The following PTPRR variants were observed in gnomAD, a reference collection of about 807,000 sequenced individuals.
The protein encoded by PTPRR is receptor-type tyrosine-protein phosphatase R.
A neutral mutation model predicts 77.2 loss-of-function variants in PTPRR; 38 were observed. The observed-to-expected ratio is 0.49, with a 90% CI of 0.38 to 0.65. The LOEUF is 0.65. PTPRR is among the 30% of genes least tolerant of loss of function. The probability of loss-of-function intolerance (pLI) is 0.00; values close to 1 mark genes in which losing one functional copy is unlikely to be tolerated. For synonymous variants in PTPRR, 299 were observed against 283.1 expected (o/e 1.06, Z -0.57); for missense variants, 744 against 799.2 (o/e 0.93, Z 0.83).
At position 70,754,195 on chromosome 12, in the gene PTPRR, A is replaced by C; in HGVS notation, c.734T>G (p.Leu245Trp). The C allele has an allele frequency of 6.2e-7, 1 of 1,612,694 alleles. No homozygotes were observed. The highest frequency in any genetic ancestry group is 8.5e-7 in the Non-Finnish European group (1 of 1,179,520). Residue 245 changes from leucine (L) to tryptophan (W), a missense_variant, in exon 5 of 14, where the codon TTG (leucine) becomes TGG (tryptophan). Transcript: ENST00000283228. ...LSIFVIIVTC[L>W]MILYRLKERF... ...TATACAAAGAAGCAAACTTACCATC[A>C]AACACGTTACTATAATAACAAAGAT...
chr12:70,697,321 T>C (rs186907281), intron 8 of PTPRR, among the ~76,000 whole-genome samples: 1 of 152,322 alleles, frequency 6.6e-6, no homozygotes, highest in African/African-American at 2.4e-5. Flanking sequence ...TGGCTAGTGA[T>C]GTTAAACATC....
chr12:70,708,569 C>CT lies in PTPRR; in HGVS notation c.1008-7247dup, dbSNP rs1043288956. On this transcript the variant is annotated intron_variant, in intron 6 of 13. Transcript: ENST00000283228. ...AACCAAGGATGATTAATTTTTACTC[C>CT]TTTTTTTTTTGTCATTTGGTATTGT... Among the ~76,000 whole-genome samples the CT allele has an allele frequency of 2.2e-3, 319 of 147,572 alleles. 1 individual carries two copies. The highest frequency in any genetic ancestry group is 3.7e-3 in the Admixed American group (54 of 14,722).
chr12:70,644,408 G>C (rs2136641784), intron 13 of PTPRR, among the ~76,000 whole-genome samples: 1 of 152,276 alleles, frequency 6.6e-6, no homozygotes, highest in African/African-American at 2.4e-5. Flanking sequence ...TTCATTACCA[G>C]GGGGGACCAG....
chr12:70,898,887 A>T (rs759419276), intron 1 of PTPRR, among the ~76,000 whole-genome samples: 1 of 151,500 alleles, frequency 6.6e-6, no homozygotes, highest in African/African-American at 2.4e-5. Flanking sequence ...TCAGAAATGA[A>T]AGGAGGGATA....
intron 13 of PTPRR, among the ~76,000 whole-genome samples, chr12:70,641,652 A>C (rs1886006694): frequency 6.6e-6 from 1 of 152,238 alleles, no homozygotes; most frequent in Non-Finnish European, 1.5e-5. Context: ...TTTGGAAAAT[A>C]AAAATGAAAA....
At chr12:70,714,043 T>G (rs1271694818) in intron 6 of PTPRR, among the ~76,000 whole-genome samples, 1 of 152,050 alleles carries the variant, frequency 6.6e-6, no homozygotes, top group Non-Finnish European at 1.5e-5. Context: ...AGACACAGCA[T>G]AGATTAAAAG....
intron 6 of PTPRR, among the ~76,000 whole-genome samples, chr12:70,737,038 C>T (rs1421649463): frequency 6.6e-6 from 1 of 152,172 alleles, no homozygotes; most frequent in African/African-American, 2.4e-5. Context: ...TGCCCAGCTG[C>T]CACTTCGCTG....
intron 8 of PTPRR, among the ~76,000 whole-genome samples, chr12:70,691,185 C>T (rs1888043206): frequency 1.3e-5 from 2 of 152,170 alleles, no homozygotes; most frequent in African/African-American, 4.8e-5. Context: ...CTAACCCTAG[C>T]ACTGTGCAGA....
chr12:70,906,546 AC>A (rs905931106), intron 1 of PTPRR, among the ~76,000 whole-genome samples: 1 of 152,012 alleles, frequency 6.6e-6, no homozygotes, highest in Non-Finnish European at 1.5e-5. Context: ...ATAACACTAA[AC>A]CCCACTGATA....
intron 13 of PTPRR, among the ~76,000 whole-genome samples, chr12:70,646,694 C>T (rs117320257): frequency 2.0e-5 from 3 of 152,176 alleles, no homozygotes; most frequent in Non-Finnish European, 2.9e-5. Context: ...ATAAGCAAAT[C>T]AAAATGTTGA....
At chr12:70,892,607 TTTC>T in intron 2 of PTPRR, 69 bp downstream of exon 2, 1 of 1,534,776 alleles carries the variant, frequency 6.5e-7, no homozygotes, top group African/African-American at 1.4e-5. Context: ...AATCAGTGTT[TTTC>T]TTTTTTCAAG....
chr12:70,897,824 C>T (rs1893458364), intron 1 of PTPRR, among the ~76,000 whole-genome samples: 1 of 151,802 alleles, frequency 6.6e-6, no homozygotes, highest in Non-Finnish European at 1.5e-5. Flanking sequence ...ACTATGCAGC[C>T]ATAAAAAAGG....
chr12:70,812,452 A>T (rs909193047), intron 2 of PTPRR, among the ~76,000 whole-genome samples: 8 of 152,220 alleles, frequency 5.3e-5, no homozygotes, highest in Non-Finnish European at 2.9e-5. Context: ...GGAGGGAGAG[A>T]GAAAAATCCA....
chr12:70,915,476 C>A (rs1452750117), intron 1 of PTPRR, among the ~76,000 whole-genome samples: 2 of 152,140 alleles, frequency 1.3e-5, no homozygotes, highest in African/African-American at 2.4e-5. Context: ...ACCAAAGAAG[C>A]AAATCAGTTT....
At chr12:70,782,092 A>T (rs908863584) in intron 2 of PTPRR, among the ~76,000 whole-genome samples, 3 of 152,170 alleles carry the variant, frequency 2.0e-5, no homozygotes, top group African/African-American at 4.8e-5. Flanking sequence ...TTCTTGTTTA[A>T]AAAGGGTAAG....
Position 70,764,712 on chromosome 12 carries a change from C to T in PTPRR, c.424G>A (p.Ala142Thr). ...TGCTGGGGTAAGAGTCCTAAAGCTG[C>T]AGCCACTCCTTGGCGGAAGATCCGA... is the stretch of plus-strand genomic sequence containing the variant. ...LLRIFRQGVA[A>T]ALGLLPQQVH... The change falls in exon 3 of 14, where the codon GCA becomes ACA. Residue 142 changes from alanine (A) to threonine (T), a missense_variant. Physicochemically the swap from Ala to Thr is moderately conservative, Grantham distance 58. This residue lies in a region of PTPRR where 570 missense variants were observed against 573.2 expected (regional missense o/e 0.99). Transcript: ENST00000283228. The T allele has an allele frequency of 1.2e-6, 2 of 1,614,132 alleles. No individual in the cohort carries two copies. Among genetic ancestry groups the T allele is most frequent in the East Asian group, 2.2e-5 (1 of 44,872 alleles).
At chr12:70,639,769 T>A (rs1030030084) in intron 13 of PTPRR, 1 of 152,822 alleles carries the variant, frequency 6.5e-6, no homozygotes, top group African/African-American at 2.4e-5. Context: ...TGCCTCATGA[T>A]TCATCTCTTG....
Position 70,698,246 on chromosome 12 carries a change from A to G in PTPRR, c.1279+19T>C. 7 of 1,606,416 alleles carry G rather than the reference A, an allele frequency of 4.4e-6. No homozygotes were observed. Among genetic ancestry groups the G allele is most frequent in the Non-Finnish European group, 5.1e-6 (6 of 1,173,622 alleles). On this transcript the variant is annotated intron_variant, in intron 8 of 13. Coordinates refer to ENST00000283228, the MANE Select transcript of PTPRR (RefSeq NM_002849.4). The stretch of plus-strand genomic sequence containing the variant: ...CCTTGCCCCCCATACAATGCAAATT[A>G]TAAAATCAAGAAGCTTACTTGGTAA...
intron 6 of PTPRR, among the ~76,000 whole-genome samples, chr12:70,710,317 G>A (rs73132520): frequency 6.6e-6 from 1 of 152,170 alleles, no homozygotes; most frequent in Non-Finnish European, 1.5e-5. Context: ...TCCCTATTCA[G>A]TAAATGGTGC....
Sources: allele counts gnomAD v4.1 joint callset (sites outside exome capture counted in the v4.1 genomes callset), GRCh38; gene constraint gnomAD v4.1.1; regional missense constraint gnomAD v4.1.1; transcripts MANE v1.5; gene names NCBI Gene and HGNC (gene_info 2026-07-23, HGNC 2026-07-21).